Variants in OR3A2 observed in about 807,000 individuals in gnomAD.
OR3A2 encodes the protein olfactory receptor family 3 subfamily A member 2.
For synonymous variants in OR3A2, 126 were observed against 159.3 expected, an observed-to-expected ratio of 0.79 and a Z score of 1.57; for missense variants, 318 against 392.8, an observed-to-expected ratio of 0.81 and a Z score of 1.61.
In OR3A2 at chr17:3,292,647, A is replaced by C. The variant is rs985254524; in HGVS notation, c.-84-13494T>G. 35 of 1,407,672 alleles carry C rather than the reference A, an allele frequency of 2.5e-5. No homozygotes were observed. The Admixed American group carries it at 3.7e-4, about 15-fold the overall frequency. The allele number at this position is 1,407,672 out of a possible 1,614,324, so 87.2% of individuals were successfully genotyped here. A position where few individuals can be genotyped will look rare whatever the true frequency, so the allele number is the denominator to read the frequency against. ...CTCCTCCCAATAATTTATTTACTCA[A>C]GAAAAAGAAACAGACCCCCTTCTAC... On this transcript the variant is annotated intron_variant, in intron 3 of 4. Transcript: ENST00000573491.
intron 1 of OR3A2, 24 bp downstream of exon 1, chr17:3,386,101 C>G (rs1208198111): frequency 2.5e-6 from 1 of 398,786 alleles, no homozygotes; most frequent in African/African-American, 2.1e-5. Context: ...CCTCCGCTCC[C>G]CCATGTATTA....
intron 2 of OR3A2, among the ~76,000 whole-genome samples, chr17:3,356,585 T>C (rs546380804): frequency 6.6e-6 from 1 of 151,516 alleles, no homozygotes; most frequent in South Asian, 2.1e-4. Flanking sequence ...AGACCAATAA[T>C]AATAATGAGA....
intron 3 of OR3A2, among the ~76,000 whole-genome samples, chr17:3,299,621 G>T (rs1017540245): frequency 1.3e-5 from 2 of 152,206 alleles, no homozygotes; most frequent in South Asian, 2.1e-4. Context: ...GTTCAAACAG[G>T]AAGTGCCCAC....
chr17:3,384,599 A>T (rs575362270), intron 1 of OR3A2, among the ~76,000 whole-genome samples: 55 of 152,228 alleles, frequency 3.6e-4, no homozygotes, highest in African/African-American at 1.3e-3. Flanking sequence ...TTGGTTCATG[A>T]AATTAATAAA....
chr17:3,341,990 T>C (rs995039685), intron 2 of OR3A2, among the ~76,000 whole-genome samples: 3 of 152,204 alleles, frequency 2.0e-5, no homozygotes, highest in Admixed American at 6.5e-5. Context: ...TCTAAACTTC[T>C]CTTCTTGCTT....
chr17:3,349,983 A>G (rs1338275854), intron 2 of OR3A2, among the ~76,000 whole-genome samples: 3 of 149,200 alleles, frequency 2.0e-5, no homozygotes, highest in African/African-American at 7.5e-5. Flanking sequence ...TTTGAAACCA[A>G]CGAGAACAAA....
At chr17:3,345,758 A>G (rs1237436634) in intron 2 of OR3A2, among the ~76,000 whole-genome samples, 2 of 152,172 alleles carry the variant, frequency 1.3e-5, no homozygotes, top group African/African-American at 4.8e-5. Flanking sequence ...ATTCTCTAGA[A>G]AAAGAACAAA....
At chr17:3,314,877 T>G (rs889655502) in intron 3 of OR3A2, among the ~76,000 whole-genome samples, 4 of 152,184 alleles carry the variant, frequency 2.6e-5, no homozygotes, top group African/African-American at 9.7e-5. Context: ...CAGTGTCTCT[T>G]GTTCTCATAT....
intron 3 of OR3A2, among the ~76,000 whole-genome samples, chr17:3,300,663 TG>T (rs2048955806): frequency 6.6e-6 from 1 of 151,116 alleles, no homozygotes. Context: ...CAAGTTTTGA[TG>T]AAAATATTGA....
chr17:3,348,146 C>A (rs2049385011), intron 2 of OR3A2, among the ~76,000 whole-genome samples: 1 of 151,920 alleles, frequency 6.6e-6, no homozygotes, highest in Admixed American at 6.6e-5. Context: ...TGGATATTAG[C>A]CCGTTGTCAG....
intron 2 of OR3A2, among the ~76,000 whole-genome samples, chr17:3,370,703 A>G (rs1277304105): frequency 6.6e-6 from 1 of 151,052 alleles, no homozygotes; most frequent in Non-Finnish European, 1.5e-5. Flanking sequence ...ATAGGACAAT[A>G]GTGGAGGGAA....
At chr17:3,346,992 A>C (rs2049369881) in intron 2 of OR3A2, among the ~76,000 whole-genome samples, 1 of 152,212 alleles carries the variant, frequency 6.6e-6, no homozygotes, top group Non-Finnish European at 1.5e-5. Flanking sequence ...CAGTGCTGCA[A>C]CGAACATGGG....
At chr17:3,346,162 T>C (rs2049362299) in intron 2 of OR3A2, among the ~76,000 whole-genome samples, 2 of 152,232 alleles carry the variant, frequency 1.3e-5, no homozygotes, top group Admixed American at 6.5e-5. Context: ...ATGTCCTCCA[T>C]GTGCATCCAT....
chr17:3,367,601 G>GTGTATATATATATATATA (rs1555530074), intron 2 of OR3A2, among the ~76,000 whole-genome samples: 9 of 122,514 alleles, frequency 7.3e-5, no homozygotes, highest in African/African-American at 3.2e-4. Context: ...GTGTGTGTGT[G>GTGTATATATATATATATA]TATATATATA....
At chr17:3,332,655 C>T (rs540132694) in intron 3 of OR3A2, among the ~76,000 whole-genome samples, 49 of 152,316 alleles carry the variant, frequency 3.2e-4, no homozygotes, top group East Asian at 1.5e-3. Flanking sequence ...AGAAATCACC[C>T]GTCTTCTGCG....
rs555993987 is a variant in OR3A2, at chr17:3,326,377, C to G, written c.-85+9656G>C. ...CCATAGAAGAAAATCTAGGCAATAC[C>G]ATTCAGAACATAGGCATCGGCAAAG... On this transcript the variant is annotated intron_variant, in intron 3 of 4. Transcript: ENST00000573491. 5.9e-5 allele frequency among the ~76,000 whole-genome samples: 9 copies of G among 152,062 alleles called. No individual in the cohort carries two copies. In the East Asian group the frequency reaches 1.7e-3, roughly 29 times the overall value.
At chr17:3,282,338 G>A (rs113220262) in intron 1 of OR3A2, among the ~76,000 whole-genome samples, 2,673 of 152,270 alleles carry the variant, frequency 0.018, 87 homozygotes, top group African/African-American at 0.06. Flanking sequence ...CCCGGGAGGC[G>A]GAGGTTGCAG....
chr17:3,298,509 G>C (rs1471000523), intron 3 of OR3A2: 1 of 152,198 alleles, frequency 6.6e-6, no homozygotes, highest in East Asian at 1.9e-4. Flanking sequence ...AGTAAAAAGA[G>C]AAAGCAGGCC....
intron 2 of OR3A2, among the ~76,000 whole-genome samples, chr17:3,361,669 A>G (rs969250731): frequency 7.2e-5 from 11 of 151,890 alleles, no homozygotes; most frequent in African/African-American, 2.2e-4. Flanking sequence ...ATCTATTGAG[A>G]TAATCATGTG....
Sources: gnomAD v4.1 joint callset for allele counts (sites outside exome capture counted in the v4.1 genomes callset) on GRCh38, gnomAD v4.1.1 for gene constraint, MANE v1.5 for transcripts, NCBI Gene and HGNC (gene_info 2026-07-23, HGNC 2026-07-21) for gene names.